The following GASK1B variants were observed in gnomAD, a reference collection of about 807,000 sequenced individuals.
The protein encoded by GASK1B is Golgi-associated kinase 1B.
Under a neutral mutation model 42.8 loss-of-function variants are expected in GASK1B, and 34 were observed. That is an observed-to-expected ratio of 0.79 (90% CI 0.60 to 1.06). The LOEUF (loss-of-function observed/expected upper bound fraction) is 1.06. GASK1B is among the 50% of genes least tolerant of loss of function. The probability of loss-of-function intolerance (pLI) is 0.00; values close to 1 mark genes in which losing one functional copy is unlikely to be tolerated. For synonymous variants in GASK1B, 262 were observed against 259.1 expected (o/e 1.01, Z -0.11); for missense variants, 686 against 661.0 (o/e 1.04, Z -0.42).
At chr4:158,155,118 A>G (rs1201051510) in intron 3 of GASK1B, among the ~76,000 whole-genome samples, 1 of 152,196 alleles carries the variant, frequency 6.6e-6, no homozygotes, top group Non-Finnish European at 1.5e-5. Context: ...TTTGGAATTC[A>G]GGCACAGTTG....
At chr4:158,135,276 G>A (rs557924434) in intron 3 of GASK1B, among the ~76,000 whole-genome samples, 256 of 129,856 alleles carry the variant, frequency 2.0e-3, no homozygotes, top group African/African-American at 7.3e-3. Context: ...AGCCGAGATC[G>A]CCCCATTGCA....
intron 3 of GASK1B, among the ~76,000 whole-genome samples, chr4:158,141,934 T>G: frequency 3.4e-4 from 1 of 2,938 alleles, no homozygotes; most frequent in Non-Finnish European, 2.2e-3. Context: ...TTTTTTTTTT[T>G]TTTTTTTTTT....
chr4:158,144,451 A>G (rs1222128626), intron 3 of GASK1B, among the ~76,000 whole-genome samples: 2 of 152,188 alleles, frequency 1.3e-5, no homozygotes, highest in Admixed American at 6.5e-5. Context: ...AAAAGTCTAT[A>G]ATAACCACAA....
Position 158,171,145 on chromosome 4 carries a change from G to A in GASK1B, c.231C>T (p.Ala77=). 6.2e-7 allele frequency: 1 copy of A among 1,608,216 alleles called. No homozygotes were observed. Among genetic ancestry groups the A allele is most frequent in the Non-Finnish European group, 8.5e-7 (1 of 1,175,768 alleles). Reference sequence around the variant, plus strand: ...GGGGTATCTCAGGGAAGGATGGCTCGGCGGTGTCGCGGCTGCGATGTGGCC... The same window carrying A: ...GGGGTATCTCAGGGAAGGATGGCTCAGCGGTGTCGCGGCTGCGATGTGGCC... ...EKGPHRSRDT[A]EPSFPEIPLD... is the part of the protein sequence containing the mutation. Residue 77 remains alanine, a synonymous_variant, in exon 2 of 5, where the codon GCC becomes GCT. Transcript: ENST00000585682.
intron 4 of GASK1B, among the ~76,000 whole-genome samples, chr4:158,130,583 G>A (rs1213952892): frequency 1.3e-5 from 2 of 152,150 alleles, no homozygotes; most frequent in African/African-American, 2.4e-5. Flanking sequence ...GGCGGTATTG[G>A]TTGTTGATAG....
chr4:158,133,893 ATATG>A (rs1730780073), intron 3 of GASK1B, among the ~76,000 whole-genome samples: 3 of 151,724 alleles, frequency 2.0e-5, no homozygotes, highest in African/African-American at 4.9e-5. Context: ...CTTGATGGGC[ATATG>A]TGTGTGTGTG....
In GASK1B at chr4:158,170,991, G is replaced by T. The variant is rs1026467510; in HGVS notation, c.385C>A (p.Arg129Ser). 1.8e-5 allele frequency: 29 copies of T among 1,614,090 alleles called. No individual in the cohort carries two copies. In the Admixed American group the frequency reaches 4.3e-4, roughly 24 times the overall value. ...GATGCCACTGCATGCTTTTTCCTGC[G>T]CTTGGGCTTCACGGTGCCACGGATA... ...ANIRGTVKPK[R>S]RKKHAVASAA... Residue 129 changes from arginine (R) to serine (S), a missense_variant, in exon 2 of 5, where the codon CGC becomes AGC. Transcript: ENST00000585682.
intron 3 of GASK1B, among the ~76,000 whole-genome samples, chr4:158,142,489 AT>A (rs900282722): frequency 7.9e-5 from 12 of 152,148 alleles, no homozygotes; most frequent in African/African-American, 1.7e-4. Context: ...AAGCAATGCT[AT>A]TTTTTTTCTA....
chr4:158,155,915 C>G, intron 2 of GASK1B, 90 bp from the exon 3 acceptor site: 1 of 989,754 alleles, frequency 1.0e-6, no homozygotes, highest in South Asian at 1.5e-5. Flanking sequence ...CACAGTCTCA[C>G]GCTCACCTAT....
intron 2 of GASK1B, chr4:158,170,153 A>C (rs1049223283): frequency 7.1e-7 from 1 of 1,399,244 alleles, no homozygotes. Flanking sequence ...TCTCCTCATC[A>C]TGCAAATTGC....
chr4:158,129,390 C>G (rs987979221), intron 4 of GASK1B, among the ~76,000 whole-genome samples: 1 of 152,094 alleles, frequency 6.6e-6, no homozygotes, highest in Admixed American at 6.5e-5. Flanking sequence ...AAAGAGAGAA[C>G]CTGCCACATA....
rs551959876 is a variant in GASK1B, at chr4:158,153,494, GA to G, written c.1125+2116del. On this transcript the variant is annotated intron_variant, in intron 3 of 4. Coordinates refer to ENST00000585682, the MANE Select transcript of GASK1B (RefSeq NM_001128424.2). ...ACCACCATAACTCTTCACAGAACTAGAAAAAAAGACTCCTAAAATTCACATA... is the reference window on the plus strand; with the variant it reads ...ACCACCATAACTCTTCACAGAACTAGAAAAAAGACTCCTAAAATTCACATA... Among the ~76,000 whole-genome samples, 4 of 152,024 alleles carry G rather than the reference GA, an allele frequency of 2.6e-5. No homozygotes were observed. The South Asian group carries it at 8.3e-4, about 32-fold the overall frequency.
intron 2 of GASK1B, among the ~76,000 whole-genome samples, chr4:158,166,374 A>AT: frequency 6.6e-6 from 1 of 152,336 alleles, no homozygotes; most frequent in Admixed American, 6.5e-5. Context: ...GAAAAAACCT[A>AT]AAGATGAGCT....
chr4:158,166,734 A>T (rs988752743), intron 2 of GASK1B, among the ~76,000 whole-genome samples: 1 of 152,142 alleles, frequency 6.6e-6, no homozygotes, highest in Admixed American at 6.5e-5. Flanking sequence ...GAAAAAAAGG[A>T]GGTTCCCATG....
chr4:158,165,865 A>G (rs1266591765), intron 2 of GASK1B, among the ~76,000 whole-genome samples: 2 of 152,174 alleles, frequency 1.3e-5, no homozygotes, highest in African/African-American at 2.4e-5. Flanking sequence ...AATAAGAGTA[A>G]TATCTGCTAT....
chr4:158,137,486 T>G (rs967269844), intron 3 of GASK1B, among the ~76,000 whole-genome samples: 3 of 152,224 alleles, frequency 2.0e-5, no homozygotes, highest in African/African-American at 7.2e-5. Context: ...TATCAGCTAA[T>G]AACTTACACT....
At chr4:158,136,613 G>T (rs945715037) in intron 3 of GASK1B, among the ~76,000 whole-genome samples, 2 of 152,160 alleles carry the variant, frequency 1.3e-5, no homozygotes, top group Non-Finnish European at 2.9e-5. Context: ...ATTCAAATCT[G>T]TTAGTTAAAT....
In GASK1B at chr4:158,127,406, G is replaced by GTCAT; in HGVS notation, c.1557_1560dup. On this transcript the variant is annotated 3_prime_UTR_variant, in exon 5 of 5. Coordinates refer to ENST00000585682, the MANE Select transcript of GASK1B (RefSeq NM_001128424.2). ...AACACCCTAGCCAGAAGATTCTTTTGTCATTCATTCATAGGTAATACTTTG... is the reference window on the plus strand; with the variant it reads ...AACACCCTAGCCAGAAGATTCTTTTGTCATTCATTCATTCATAGGTAATACTTTG... 2 of 1,610,296 alleles carry GTCAT rather than the reference G, an allele frequency of 1.2e-6. No individual in the cohort carries two copies. The highest frequency in any genetic ancestry group is 2.2e-5 in the South Asian group (2 of 90,314).
chr4:158,130,873 G>T lies in GASK1B; in HGVS notation c.1265C>A (p.Pro422Gln), dbSNP rs758613173. The change falls in exon 4 of 5, where the codon CCA becomes CAA. Residue 422 changes from proline to glutamine, a missense_variant. Transcript: ENST00000585682. ...GTTGTCTATAAAAACCAAATGCCTT[G>T]GGTCATGCTTTCGCTGGATAATGTG... ...LAHIIQRKHD[P>Q]RHLVFIDNKG... 4.2e-5 allele frequency: 67 copies of T among 1,613,952 alleles called. No homozygotes were observed. The highest frequency in any genetic ancestry group is 5.5e-5 in the Non-Finnish European group (65 of 1,179,986).
Sources: gnomAD v4.1 joint callset for allele counts (sites outside exome capture counted in the v4.1 genomes callset) on GRCh38, gnomAD v4.1.1 for gene constraint, MANE v1.5 for transcripts, NCBI Gene and HGNC (gene_info 2026-07-23, HGNC 2026-07-21) for gene names.